Variants in CNTNAP3B observed in about 807,000 individuals in gnomAD.
CNTNAP3B encodes the protein contactin associated protein family member 3B.
A neutral mutation model predicts 108.9 loss-of-function variants in CNTNAP3B; 25 were observed. The observed-to-expected ratio is 0.23, with a 90% CI of 0.17 to 0.32. The LOEUF (loss-of-function observed/expected upper bound fraction) is 0.32, where lower values mean the gene tolerates loss of function less well. Ranked by LOEUF, CNTNAP3B falls within the 10% of genes least tolerant of loss-of-function variation. The pLI is 1.00. For synonymous variants in CNTNAP3B, 103 were observed against 473.4 expected, an observed-to-expected ratio of 0.22 and a Z score of 10.16; for missense variants, 252 against 1,210.4, an observed-to-expected ratio of 0.21 and a Z score of 11.75.
chr9:42,030,810 A>ATGT (rs1826508570), intron 3 of CNTNAP3B, among the ~76,000 whole-genome samples: 1 of 79,766 alleles, frequency 1.3e-5, no homozygotes, highest in Non-Finnish European at 2.5e-5. Context: ...AGAGAGAGAG[A>ATGT]GAGGAGAGAG....
chr9:42,036,501 G>A (rs1826634290), intron 3 of CNTNAP3B, among the ~76,000 whole-genome samples: 3 of 137,404 alleles, frequency 2.2e-5, no homozygotes, highest in Admixed American at 7.2e-5. Flanking sequence ...ACTAGGGGAG[G>A]AGCGCCCGCC....
chr9:41,959,144 G>A (rs1363699852), intron 12 of CNTNAP3B, among the ~76,000 whole-genome samples: 1 of 146,618 alleles, frequency 6.8e-6, no homozygotes, highest in Admixed American at 6.8e-5. Flanking sequence ...TTCTCTGCTG[G>A]ATCTAAAAAA....
chr9:41,939,479 A>G (rs1249923895), intron 13 of CNTNAP3B, among the ~76,000 whole-genome samples: 1 of 149,714 alleles, frequency 6.7e-6, no homozygotes, highest in Non-Finnish European at 1.5e-5. Flanking sequence ...ACCACTATCT[A>G]TCACCTGCCC....
intron 2 of CNTNAP3B, among the ~76,000 whole-genome samples, chr9:42,081,468 T>C (rs1045085168): frequency 7.2e-6 from 1 of 139,266 alleles, no homozygotes; most frequent in Non-Finnish European, 1.5e-5. Context: ...AAGCATATAT[T>C]GTATGCTGAG....
chr9:42,012,084 C>G lies in CNTNAP3B; in HGVS notation c.538+1294G>C, dbSNP rs1169970662. Among the ~76,000 whole-genome samples, 19 of 99,318 alleles carry G rather than the reference C, an allele frequency of 1.9e-4. 7 individuals are homozygous for G. Among genetic ancestry groups the G allele is most frequent in the Non-Finnish European group, 6.4e-5 (3 of 46,588 alleles). 65.2% of individuals were successfully genotyped at this position (99,318 alleles called of 152,430 possible). ...TGGTACCAACCTCCAGCCCAAGGAACTGGAGTAATATCTCTTCATGAAGGA... is the reference window on the plus strand; with the variant it reads ...TGGTACCAACCTCCAGCCCAAGGAAGTGGAGTAATATCTCTTCATGAAGGA... On this transcript the variant is annotated intron_variant, in intron 4 of 23. Coordinates refer to ENST00000377561, the MANE Select transcript of CNTNAP3B (RefSeq NM_001201380.3).
At chr9:42,090,973 T>TATATACACAC (rs1207817338) in intron 2 of CNTNAP3B, among the ~76,000 whole-genome samples, 1 of 37,794 alleles carries the variant, frequency 2.6e-5, no homozygotes, top group African/African-American at 7.1e-5. Context: ...TATATATATA[T>TATATACACAC]ACACACACAC....
intron 14 of CNTNAP3B, among the ~76,000 whole-genome samples, chr9:41,935,569 A>C (rs1824132585): frequency 6.6e-6 from 1 of 152,288 alleles, no homozygotes; most frequent in South Asian, 2.1e-4. Flanking sequence ...TAAACTGAAA[A>C]ATCAATTTTA....
chr9:41,954,231 T>C (rs1824787935), intron 12 of CNTNAP3B, among the ~76,000 whole-genome samples: 1 of 152,248 alleles, frequency 6.6e-6, no homozygotes, highest in Admixed American at 6.5e-5. Flanking sequence ...AAGAAACATT[T>C]GTATGGGGAT....
intron 2 of CNTNAP3B, among the ~76,000 whole-genome samples, chr9:42,089,491 T>C (rs1827773241): frequency 7.0e-6 from 1 of 142,574 alleles, no homozygotes; most frequent in South Asian, 2.2e-4. Context: ...ATTTCCCCAA[T>C]GTAAGAATTT....
intron 3 of CNTNAP3B, among the ~76,000 whole-genome samples, chr9:42,026,595 GAAAAA>G (rs1225771329): frequency 2.8e-5 from 2 of 71,862 alleles, no homozygotes; most frequent in Non-Finnish European, 2.8e-5. Flanking sequence ...CCGTCTCAGG[GAAAAA>G]AAAAAAAAAA....
intron 13 of CNTNAP3B, among the ~76,000 whole-genome samples, chr9:41,944,840 G>A (rs1328024138): frequency 3.9e-5 from 6 of 152,284 alleles, no homozygotes; most frequent in South Asian, 2.1e-4. Flanking sequence ...GCAACCTATA[G>A]AATGGGAGAA....
intron 13 of CNTNAP3B, among the ~76,000 whole-genome samples, chr9:41,951,608 T>C (rs1564155292): frequency 6.6e-6 from 1 of 152,292 alleles, no homozygotes; most frequent in Non-Finnish European, 1.5e-5. Context: ...ATGGCCTAAA[T>C]TTCCACAACT....
At position 42,114,722 on chromosome 9, in the gene CNTNAP3B, C is replaced by A. The variant is rs1161803575; in HGVS notation, c.86-9983G>T. ...ATCGTTCATCAAATGTGAAAAGCTA[C>A]CCAAATGAAACCCAGAAAAAACATG... is the stretch of plus-strand genomic sequence containing the variant. On this transcript the variant is annotated intron_variant, in intron 1 of 23. Transcript: ENST00000377561. 3.2e-5 allele frequency among the ~76,000 whole-genome samples: 4 copies of A among 124,184 alleles called. 2 individuals are homozygous for A. The highest frequency in any genetic ancestry group is 1.4e-4 in the African/African-American group (4 of 28,608). 81.5% of individuals were successfully genotyped at this position (124,184 alleles called of 152,430 possible).
At chr9:41,933,996 T>C (rs1193627548) in intron 14 of CNTNAP3B, among the ~76,000 whole-genome samples, 3 of 151,720 alleles carry the variant, frequency 2.0e-5, no homozygotes, top group African/African-American at 7.2e-5. Context: ...GTTTGTTAAT[T>C]ATAATATTAA....
intron 15 of CNTNAP3B, among the ~76,000 whole-genome samples, chr9:41,928,434 G>T (rs548834766): frequency 6.6e-6 from 1 of 151,912 alleles, no homozygotes; most frequent in African/African-American, 2.4e-5. Context: ...GCCGGTCCCC[G>T]CCCTCTCTGG....
At position 42,109,875 on chromosome 9, in the gene CNTNAP3B, T is replaced by C. The variant is rs547103892; in HGVS notation, c.86-5136A>G. Among the ~76,000 whole-genome samples, 8 of 135,428 alleles carry C rather than the reference T, an allele frequency of 5.9e-5. 2 individuals carry two copies. The Admixed American group carries it at 5.9e-4, about 10-fold the overall frequency. The allele number at this position is 135,428 out of a possible 152,430, so 88.8% of individuals were successfully genotyped here. The stretch of plus-strand genomic sequence containing the variant: ...ATCAGAACTGCCCTTGTAAGAGAGA[T>C]AAAGGTGATGATGAACAGAGCCCCA... On this transcript the variant is annotated intron_variant, in intron 1 of 23. Transcript: ENST00000377561.
chr9:41,933,768 C>T (rs989707543), intron 14 of CNTNAP3B, among the ~76,000 whole-genome samples: 4 of 152,226 alleles, frequency 2.6e-5, no homozygotes, highest in Admixed American at 2.0e-4. Flanking sequence ...ATTTTATTTC[C>T]TCTTGTGTCT....
chr9:42,043,155 T>C (rs1826800194), intron 3 of CNTNAP3B, among the ~76,000 whole-genome samples: 1 of 121,416 alleles, frequency 8.2e-6, no homozygotes, highest in Non-Finnish European at 1.7e-5. Flanking sequence ...ATAGAAATAT[T>C]GATATTTTCT....
At chr9:41,950,860 A>G (rs974888808) in intron 13 of CNTNAP3B, among the ~76,000 whole-genome samples, 2 of 142,688 alleles carry the variant, frequency 1.4e-5, no homozygotes, top group African/African-American at 5.2e-5. Context: ...TCCCGGGTTC[A>G]CGCCATTCTC....
Sources: gnomAD v4.1 joint callset for allele counts (sites outside exome capture counted in the v4.1 genomes callset) on GRCh38, gnomAD v4.1.1 for gene constraint, MANE v1.5 for transcripts, NCBI Gene and HGNC (gene_info 2026-07-23, HGNC 2026-07-21) for gene names.